FBXO36: variants seen among roughly 807,000 people sequenced by gnomAD.
FBXO36 encodes the protein F-box only protein 36.
A neutral mutation model predicts 17.0 loss-of-function variants in FBXO36; 18 were observed. The ratio of observed to expected loss-of-function variants is 1.06; its 90% confidence interval spans 0.73 to 1.57. FBXO36 has a LOEUF of 1.57. FBXO36 is among the 40% of genes most tolerant of loss of function. The probability of loss-of-function intolerance (pLI) is 0.00; values close to 1 mark genes in which losing one functional copy is unlikely to be tolerated. For synonymous variants in FBXO36, 83 were observed against 85.3 expected (o/e 0.97, Z 0.15); for missense variants, 229 against 221.9 (o/e 1.03, Z -0.20).
intron 1 of FBXO36, among the ~76,000 whole-genome samples, chr2:229,937,123 G>T (rs2076968074): frequency 6.6e-6 from 1 of 151,966 alleles, no homozygotes; most frequent in Non-Finnish European, 1.5e-5. Context: ...ATTAAACTTC[G>T]ATTTCAGCGA....
rs1484676626 is a variant in FBXO36, at chr2:229,922,568, C to T, written c.55C>T (p.Pro19Ser). The T allele has an allele frequency of 6.2e-7, 1 of 1,614,008 alleles. No individual in the cohort carries two copies. Among genetic ancestry groups the T allele is most frequent in the Non-Finnish European group, 8.5e-7 (1 of 1,180,034 alleles). Residue 19 changes from proline (P) to serine (S), a missense_variant, in exon 1 of 4, where the codon CCT becomes TCT. By Grantham distance (74) the Pro-to-Ser change is moderately conservative. Transcript: ENST00000283946. ...TGAAACTGTAGGACAAGGCCCGCCG[C>T]CTAGCAAAGACTATTACCAGTTACT... is the stretch of plus-strand genomic sequence containing the variant. ...LFETVGQGPP[P>S]SKDYYQLLVT...
In FBXO36 at chr2:229,974,301, C is replaced by T. The variant is rs564370769; in HGVS notation, c.97-1940C>T. Reference sequence around the variant, plus strand: ...TTCTGGTCCTAGCTAGCTGTGTTTCCTTAAGCAAGTGTTATATTCTCAGTA... The same window carrying T: ...TTCTGGTCCTAGCTAGCTGTGTTTCTTTAAGCAAGTGTTATATTCTCAGTA... On this transcript the variant is annotated intron_variant, in intron 1 of 3. Transcript: ENST00000283946. 9.9e-5 allele frequency among the ~76,000 whole-genome samples: 15 copies of T among 152,188 alleles called. No individual in the cohort carries two copies. The East Asian group carries it at 2.3e-3, about 24-fold the overall frequency.
chr2:229,963,500 A>C (rs2077135190), intron 1 of FBXO36, among the ~76,000 whole-genome samples: 1 of 137,836 alleles, frequency 7.3e-6, no homozygotes, highest in East Asian at 2.1e-4. Context: ...GCTGGAGTGC[A>C]GTGGCGTGAT....
chr2:229,950,840 A>G (rs1023676685), intron 1 of FBXO36, among the ~76,000 whole-genome samples: 126 of 143,074 alleles, frequency 8.8e-4, no homozygotes, highest in African/African-American at 3.3e-3. Flanking sequence ...CACTGCAACC[A>G]CTGTCTTCTG....
intron 1 of FBXO36, among the ~76,000 whole-genome samples, chr2:229,935,623 A>C (rs1050416744): frequency 6.6e-6 from 1 of 152,184 alleles, no homozygotes; most frequent in Non-Finnish European, 1.5e-5. Context: ...ATAAGGAGAT[A>C]AGAATTTGGC....
intron 1 of FBXO36, among the ~76,000 whole-genome samples, chr2:229,936,373 C>G (rs2076963997): frequency 6.6e-6 from 1 of 152,158 alleles, no homozygotes; most frequent in Non-Finnish European, 1.5e-5. Context: ...CCTAGACCAG[C>G]AGTTTCCAAA....
At chr2:230,009,779 T>TA (rs1000891385) in intron 3 of FBXO36, among the ~76,000 whole-genome samples, 24 of 149,500 alleles carry the variant, frequency 1.6e-4, no homozygotes, top group East Asian at 7.9e-4. Flanking sequence ...CCTGTCTCTA[T>TA]AAAAAAAAAT....
chr2:229,991,613 C>G (rs2077298419), intron 2 of FBXO36, among the ~76,000 whole-genome samples: 1 of 152,226 alleles, frequency 6.6e-6, no homozygotes, highest in African/African-American at 2.4e-5. Context: ...TCCTTTTGTA[C>G]TGCGTGTGAC....
At chr2:229,984,579 G>A (rs539875571) in intron 2 of FBXO36, among the ~76,000 whole-genome samples, 11 of 151,560 alleles carry the variant, frequency 7.3e-5, no homozygotes, top group Admixed American at 2.0e-4. Flanking sequence ...TAGTAGAGAC[G>A]GGGTTTTACC....
chr2:229,969,957 G>A lies in FBXO36; in HGVS notation c.97-6284G>A, dbSNP rs575283066. 6.6e-5 allele frequency among the ~76,000 whole-genome samples: 10 copies of A among 152,236 alleles called. No homozygotes were observed. In the South Asian group the frequency reaches 2.1e-3, roughly 32 times the overall value. On this transcript the variant is annotated intron_variant, in intron 1 of 3. Coordinates refer to ENST00000283946, the MANE Select transcript of FBXO36 (RefSeq NM_174899.5). The stretch of plus-strand genomic sequence containing the variant: ...GATATTGAACAATTAAAATCACAGT[G>A]AGACAGCACTACTCACCTATCAGAA...
chr2:230,005,086 A>ATTATTTAT (rs369839270), intron 3 of FBXO36, among the ~76,000 whole-genome samples: 15 of 151,940 alleles, frequency 9.9e-5, no homozygotes, highest in African/African-American at 3.4e-4. Flanking sequence ...GCATGGACAG[A>ATTATTTAT]TTATTTATTT....
intron 3 of FBXO36, among the ~76,000 whole-genome samples, chr2:230,004,835 C>T (rs1002852068): frequency 6.6e-6 from 1 of 151,946 alleles, no homozygotes; most frequent in Non-Finnish European, 1.5e-5. Flanking sequence ...GGTGAAACCT[C>T]GTCTCTACTA....
chr2:229,954,531 C>G (rs1393436760), intron 1 of FBXO36, among the ~76,000 whole-genome samples: 3 of 146,658 alleles, frequency 2.0e-5, no homozygotes, highest in Non-Finnish European at 4.5e-5. Context: ...GCATGAGCCA[C>G]TGCACCCGGC....
chr2:229,971,641 C>G (rs1015051944), intron 1 of FBXO36, among the ~76,000 whole-genome samples: 1 of 152,086 alleles, frequency 6.6e-6, no homozygotes, highest in Admixed American at 6.6e-5. Context: ...CAAACAGCAT[C>G]TGCCACAGAT....
rs932504432 is a variant in FBXO36 at position 229,977,369 on chromosome 2, A to C, written c.205+1020A>C. Among the ~76,000 whole-genome samples the C allele has an allele frequency of 3.9e-5, 6 of 152,208 alleles. No individual in the cohort carries two copies. In the East Asian group the frequency reaches 1.2e-3, roughly 29 times the overall value. ...AGGACACTGGAGACGTCTAAGCCCA[A>C]TTGCTTCCCAATTAATTATTTTAAC... On this transcript the variant is annotated intron_variant, in intron 2 of 3. Transcript: ENST00000283946.
At chr2:229,969,645 G>A (rs892148108) in intron 1 of FBXO36, among the ~76,000 whole-genome samples, 4 of 152,074 alleles carry the variant, frequency 2.6e-5, no homozygotes, top group East Asian at 3.9e-4. Flanking sequence ...CCAAGATCAC[G>A]CCACCACACT....
chr2:230,000,243 A>G (rs2106213130), intron 3 of FBXO36, among the ~76,000 whole-genome samples: 1 of 150,956 alleles, frequency 6.6e-6, no homozygotes, highest in South Asian at 2.1e-4. Flanking sequence ...CTGTAATCCC[A>G]GGTAGTTGGG....
At chr2:229,987,856 C>T (rs898526147) in intron 2 of FBXO36, among the ~76,000 whole-genome samples, 2 of 152,054 alleles carry the variant, frequency 1.3e-5, no homozygotes, top group African/African-American at 4.8e-5. Context: ...TTATCTCTAA[C>T]TCCTGGCCTC....
chr2:229,941,947 C>T (rs1460943836), intron 1 of FBXO36, among the ~76,000 whole-genome samples: 3 of 151,826 alleles, frequency 2.0e-5, no homozygotes, highest in South Asian at 2.1e-4. Flanking sequence ...ACCCAGGAGG[C>T]GGAGGTTGCA....
Sources: gnomAD v4.1 joint callset for allele counts (sites outside exome capture counted in the v4.1 genomes callset) on GRCh38, gnomAD v4.1.1 for gene constraint, MANE v1.5 for transcripts, NCBI Gene and HGNC (gene_info 2026-07-23, HGNC 2026-07-21) for gene names.